GPC5: variants seen among roughly 807,000 people sequenced by gnomAD.
GPC5 encodes glypican 5.
A neutral mutation model predicts 53.9 loss-of-function variants in GPC5; 47 were observed. The observed-to-expected ratio is 0.87, with a 90% CI of 0.69 to 1.11. The LOEUF (loss-of-function observed/expected upper bound fraction) is 1.11. GPC5 is among the 50% of genes most tolerant of loss of function. GPC5 has a pLI of 0.00. For missense variants in GPC5, 748 were observed against 713.1 expected (o/e 1.05, Z -0.56); for synonymous variants, 286 against 263.3 (o/e 1.09, Z -0.84).
intron 7 of GPC5, among the ~76,000 whole-genome samples, chr13:92,216,125 C>A (rs911232873): frequency 6.6e-6 from 1 of 152,148 alleles, no homozygotes; most frequent in African/African-American, 2.4e-5. Context: ...TTCTTCCAGA[C>A]CAGTGTAATT....
intron 6 of GPC5, among the ~76,000 whole-genome samples, chr13:92,132,581 C>T (rs1389999857): frequency 6.6e-6 from 1 of 152,028 alleles, no homozygotes; most frequent in Non-Finnish European, 1.5e-5. Context: ...CTACACGTGG[C>T]ATATTCTTTG....
intron 7 of GPC5, among the ~76,000 whole-genome samples, chr13:92,152,410 A>G (rs1022391676): frequency 1.1e-4 from 17 of 152,234 alleles, no homozygotes; most frequent in African/African-American, 4.1e-4. Context: ...GGTTTAATCC[A>G]TAGTCAGCAT....
At chr13:92,326,339 A>C (rs559220238) in intron 7 of GPC5, among the ~76,000 whole-genome samples, 1 of 152,196 alleles carries the variant, frequency 6.6e-6, no homozygotes, top group Non-Finnish European at 1.5e-5. Context: ...AACTTTTAAT[A>C]TAGAACCTAC....
chr13:92,472,892 C>A (rs1878965554), intron 7 of GPC5, among the ~76,000 whole-genome samples: 1 of 152,008 alleles, frequency 6.6e-6, no homozygotes, highest in African/African-American at 2.4e-5. Flanking sequence ...AAACTAATTG[C>A]ATGATTCTTT....
At chr13:92,860,863 C>T (rs1879156840) in intron 7 of GPC5, among the ~76,000 whole-genome samples, 1 of 151,976 alleles carries the variant, frequency 6.6e-6, no homozygotes, top group Admixed American at 6.6e-5. Flanking sequence ...TATTAAAAGA[C>T]ACTAAGAGAA....
At chr13:91,460,076 C>G (rs1350963806) in intron 2 of GPC5, among the ~76,000 whole-genome samples, 1 of 152,008 alleles carries the variant, frequency 6.6e-6, no homozygotes, top group Non-Finnish European at 1.5e-5. Context: ...ATAAAATATA[C>G]AACATGCTTA....
intron 3 of GPC5, among the ~76,000 whole-genome samples, chr13:91,718,642 A>G (rs2036398253): frequency 6.6e-6 from 1 of 152,170 alleles, no homozygotes; most frequent in African/African-American, 2.4e-5. Context: ...AATGTGATTG[A>G]ATCAAGCTTT....
intron 6 of GPC5, among the ~76,000 whole-genome samples, chr13:92,017,990 A>G (rs1446502605): frequency 4.6e-5 from 7 of 151,360 alleles, no homozygotes; most frequent in Non-Finnish European, 1.0e-4. Context: ...GTACACACAC[A>G]CACACACGAG....
At chr13:92,030,830 T>A (rs1179098704) in intron 6 of GPC5, among the ~76,000 whole-genome samples, 2 of 152,208 alleles carry the variant, frequency 1.3e-5, no homozygotes, top group African/African-American at 4.8e-5. Context: ...GGGGATTCAA[T>A]CTTTGAGACG....
At chr13:92,057,740 T>C (rs1305028983) in intron 6 of GPC5, among the ~76,000 whole-genome samples, 1 of 152,218 alleles carries the variant, frequency 6.6e-6, no homozygotes, top group Non-Finnish European at 1.5e-5. Context: ...GTTTGAATTT[T>C]ATTTTTTATC....
At chr13:92,270,651 C>T (rs948603336) in intron 7 of GPC5, among the ~76,000 whole-genome samples, 3 of 152,132 alleles carry the variant, frequency 2.0e-5, no homozygotes, top group African/African-American at 7.2e-5. Context: ...AATTACTCCT[C>T]ATTAGGTAGT....
intron 7 of GPC5, among the ~76,000 whole-genome samples, chr13:92,429,881 G>A (rs1300045023): frequency 2.6e-5 from 4 of 152,000 alleles, no homozygotes; most frequent in Admixed American, 6.6e-5. Context: ...CTTTGAGACA[G>A]GATGAACAAA....
chr13:92,285,230 GA>G (rs934524169), intron 7 of GPC5, among the ~76,000 whole-genome samples: 3 of 152,116 alleles, frequency 2.0e-5, no homozygotes, highest in Non-Finnish European at 2.9e-5. Flanking sequence ...ACTGTTCAAT[GA>G]AATAAAAGAA....
At chr13:92,739,139 G>A (rs1404782342) in intron 7 of GPC5, among the ~76,000 whole-genome samples, 2 of 151,974 alleles carry the variant, frequency 1.3e-5, no homozygotes, top group Non-Finnish European at 2.9e-5. Context: ...CACATACAAT[G>A]TCTTTCTTAT....
At chr13:92,632,774 G>A (rs1038224010) in intron 7 of GPC5, among the ~76,000 whole-genome samples, 48 of 152,070 alleles carry the variant, frequency 3.2e-4, no homozygotes, top group Non-Finnish European at 1.6e-4. Flanking sequence ...TCAGTTCCAC[G>A]TGGCTAGGGA....
At chr13:92,471,155 T>C (rs750615454) in intron 7 of GPC5, among the ~76,000 whole-genome samples, 1 of 152,150 alleles carries the variant, frequency 6.6e-6, no homozygotes, top group Admixed American at 6.5e-5. Context: ...GAGATTCTGA[T>C]GTAAGTCCTA....
chr13:92,626,061 T>C (rs150068052), intron 7 of GPC5, among the ~76,000 whole-genome samples: 1 of 152,316 alleles, frequency 6.6e-6, no homozygotes, highest in African/African-American at 2.4e-5. Context: ...ACCATACCAG[T>C]TCAATCAATT....
At chr13:92,800,016 G>GCC in intron 7 of GPC5, among the ~76,000 whole-genome samples, 1 of 151,712 alleles carries the variant, frequency 6.6e-6, no homozygotes, top group Admixed American at 6.6e-5. Context: ...GATAGTAATA[G>GCC]CCCTAGATAT....
At chr13:92,468,175 A>T (rs1878773773) in intron 7 of GPC5, among the ~76,000 whole-genome samples, 1 of 152,120 alleles carries the variant, frequency 6.6e-6, no homozygotes, top group Non-Finnish European at 1.5e-5. Context: ...TGGTTGATTC[A>T]ATTATGGATT....
Sources: gnomAD v4.1 joint callset for allele counts (sites outside exome capture counted in the v4.1 genomes callset) on GRCh38, gnomAD v4.1.1 for gene constraint, MANE v1.5 for transcripts, NCBI Gene and HGNC (gene_info 2026-07-23, HGNC 2026-07-21) for gene names.